KLHL4: variants seen among roughly 807,000 people sequenced by gnomAD.
KLHL4 encodes the protein kelch like family member 4.
Under a neutral mutation model 45.8 loss-of-function variants are expected in KLHL4, and 17 were observed. That is an observed-to-expected ratio of 0.37 (90% CI 0.25 to 0.56). KLHL4 has a LOEUF of 0.56. Ranked by LOEUF, KLHL4 falls within the 20% of genes least tolerant of loss-of-function variation. The probability of loss-of-function intolerance (pLI) is 0.79; values close to 1 mark genes in which losing one functional copy is unlikely to be tolerated. For synonymous variants in KLHL4, 224 were observed against 189.9 expected (o/e 1.18, Z -1.47); for missense variants, 544 against 544.9 (o/e 1.00, Z 0.02).
chrX:87,557,669 C>T (rs1297794718), intron 1 of KLHL4, among the ~76,000 whole-genome samples: 1 of 110,821 alleles, frequency 9.0e-6, no homozygotes, highest in African/African-American at 3.3e-5. Flanking sequence ...TCCAAAAGCA[C>T]CAGTTTTAAA....
At chrX:87,638,747 A>G (rs982515779) in intron 9 of KLHL4, among the ~76,000 whole-genome samples, 3 of 111,804 alleles carry the variant, frequency 2.7e-5, no homozygotes, top group Non-Finnish European at 5.6e-5. Context: ...TCCTTAAAGT[A>G]TACATCTCAC....
At chrX:87,624,973 C>A (rs991295712) in intron 5 of KLHL4, among the ~76,000 whole-genome samples, 1 of 112,281 alleles carries the variant, frequency 8.9e-6, no homozygotes, top group Non-Finnish European at 1.9e-5. Context: ...ACCACCACTA[C>A]CAACACAACT....
At chrX:87,533,814 C>A (rs1931367140) in intron 1 of KLHL4, among the ~76,000 whole-genome samples, 1 of 111,321 alleles carries the variant, frequency 9.0e-6, no homozygotes, top group African/African-American at 3.3e-5. Flanking sequence ...ATTTTCACCC[C>A]CAAAATTTGT....
At position 87,536,458 on chromosome X, in the gene KLHL4, C is replaced by T. The variant is rs1478227656; in HGVS notation, c.422+18143C>T. Among the ~76,000 whole-genome samples, 4 of 110,600 alleles carry T rather than the reference C, an allele frequency of 3.6e-5. No individual in the cohort carries two copies. The South Asian group carries it at 1.5e-3, about 42-fold the overall frequency. On this transcript the variant is annotated intron_variant, in intron 1 of 10. Coordinates refer to ENST00000373119, the MANE Select transcript of KLHL4 (RefSeq NM_019117.5). ...AATTAGTCTTCCCTTGATAGCTATACTGTAGTAAGAGTGTGATTGTCATGT... is the reference window on the plus strand; with the variant it reads ...AATTAGTCTTCCCTTGATAGCTATATTGTAGTAAGAGTGTGATTGTCATGT...
Position 87,667,186 on chromosome X carries a change from T to G in KLHL4, c.*652T>G. ...CATCTGCCAGAGCACACATATAAAT[T>G]TGGTATTTCTTAACATATTATCTTG... On this transcript the variant is annotated 3_prime_UTR_variant, in exon 11 of 11. Transcript: ENST00000373119. 2.1e-5 allele frequency: 16 copies of G among 745,994 alleles called. No individual in the cohort carries two copies. The highest frequency in any genetic ancestry group is 2.5e-5 in the Non-Finnish European group (16 of 632,009). 61.5% of individuals were successfully genotyped at this position (745,994 alleles called of 1,213,427 possible). A position where few individuals can be genotyped will look rare whatever the true frequency, so the allele number is the denominator to read the frequency against.
rs1313895802 is a variant in KLHL4, at chrX:87,538,885, T to C, written c.422+20570T>C. ...CTTATATTTGAATTGCTTCTCTTGCTGGACATTGTTGTTGAAACCATTGCA... is the reference window on the plus strand; with the variant it reads ...CTTATATTTGAATTGCTTCTCTTGCCGGACATTGTTGTTGAAACCATTGCA... On this transcript the variant is annotated intron_variant, in intron 1 of 10. Transcript: ENST00000373119. Among the ~76,000 whole-genome samples, 4 of 111,773 alleles carry C rather than the reference T, an allele frequency of 3.6e-5. No homozygotes were observed. The East Asian group carries it at 1.1e-3, about 31-fold the overall frequency.
intron 1 of KLHL4, among the ~76,000 whole-genome samples, chrX:87,537,967 C>T (rs1254959683): frequency 1.8e-5 from 2 of 111,328 alleles, no homozygotes; most frequent in Non-Finnish European, 3.8e-5. Flanking sequence ...AAGCAACAAT[C>T]CTGTACTTAA....
In KLHL4 at chrX:87,555,013, A is replaced by T. The variant is rs769445496; in HGVS notation, c.422+36698A>T. On this transcript the variant is annotated intron_variant, in intron 1 of 10. Transcript: ENST00000373119. ...GTCTTTGGTTCTGTTTATATGCTGGATTACATTTATTGATTTGTGTATATT... is the reference window on the plus strand; with the variant it reads ...GTCTTTGGTTCTGTTTATATGCTGGTTTACATTTATTGATTTGTGTATATT... Among the ~76,000 whole-genome samples the T allele has an allele frequency of 1.1e-4, 11 of 103,919 alleles. No individual in the cohort carries two copies. The South Asian group carries it at 2.7e-3, about 26-fold the overall frequency. The allele number at this position is 103,919 out of a possible 115,157, so 90.2% of individuals were successfully genotyped here. A position where few individuals can be genotyped will look rare whatever the true frequency, so the allele number is the denominator to read the frequency against.
chrX:87,521,272 C>T (rs143054900), intron 1 of KLHL4, among the ~76,000 whole-genome samples: 1,338 of 111,317 alleles, frequency 0.012, 9 homozygotes, highest in Non-Finnish European at 0.019. Context: ...TGAGGTTTGC[C>T]TAGAAAAAAT....
intron 1 of KLHL4, among the ~76,000 whole-genome samples, chrX:87,577,860 T>C (rs1249852048): frequency 1.8e-5 from 2 of 111,818 alleles, no homozygotes; most frequent in Admixed American, 1.9e-4. Flanking sequence ...CTTTAAAGAA[T>C]GTAATGCTTT....
At chrX:87,639,914 G>GA (rs1237563488) in intron 9 of KLHL4, among the ~76,000 whole-genome samples, 2 of 109,830 alleles carry the variant, frequency 1.8e-5, no homozygotes, top group Non-Finnish European at 3.8e-5. Context: ...CTGGTTCTTT[G>GA]AAAAAAATAA....
intron 9 of KLHL4, among the ~76,000 whole-genome samples, chrX:87,655,520 G>T (rs918992360): frequency 9.0e-6 from 1 of 111,088 alleles, no homozygotes; most frequent in Non-Finnish European, 1.9e-5. Flanking sequence ...GCTTGCTTTT[G>T]TTTTCCATTT....
At chrX:87,582,801 G>A (rs979644571) in intron 1 of KLHL4, among the ~76,000 whole-genome samples, 156 of 111,625 alleles carry the variant, frequency 1.4e-3, no homozygotes, top group African/African-American at 4.8e-3. Context: ...AAGATGGCAC[G>A]GACCCAAATA....
At chrX:87,544,898 CA>C (rs1213915110) in intron 1 of KLHL4, among the ~76,000 whole-genome samples, 1 of 111,273 alleles carries the variant, frequency 9.0e-6, no homozygotes, top group Non-Finnish European at 1.9e-5. Flanking sequence ...GCTCAGACAC[CA>C]AAAAACACAT....
chrX:87,622,418 C>G lies in KLHL4; in HGVS notation c.1132C>G (p.Pro378Ala). The G allele has an allele frequency of 1.7e-6, 2 of 1,174,989 alleles. No homozygotes were observed. Among genetic ancestry groups the G allele is most frequent in the Non-Finnish European group, 1.2e-6 (1 of 868,684 alleles). The change falls in exon 5 of 11, where the codon CCA becomes GCA. Residue 378 changes from proline to alanine, a missense_variant. Coordinates refer to ENST00000373119, the MANE Select transcript of KLHL4 (RefSeq NM_019117.5). ...TTACATCAGACTGCCATTACTCCCACCACAGGTATGGAAAATTACCTAGGT... is the reference window on the plus strand; with the variant it reads ...TTACATCAGACTGCCATTACTCCCAGCACAGGTATGGAAAATTACCTAGGT... ...LSYIRLPLLP[P>A]QLLADLETSS... is the part of the protein sequence containing the mutation.
intron 1 of KLHL4, among the ~76,000 whole-genome samples, chrX:87,544,931 G>T (rs185153584): frequency 3.8e-4 from 43 of 111,872 alleles, no homozygotes; most frequent in Admixed American, 2.2e-3. Context: ...TGCCATTCAG[G>T]AAAACATGAC....
At chrX:87,542,899 A>G (rs1422855236) in intron 1 of KLHL4, among the ~76,000 whole-genome samples, 1 of 111,748 alleles carries the variant, frequency 8.9e-6, no homozygotes, top group African/African-American at 3.3e-5. Context: ...GTTTGGTTCA[A>G]TGTCCCCATC....
intron 1 of KLHL4, among the ~76,000 whole-genome samples, chrX:87,530,095 T>C (rs1173342721): frequency 9.0e-6 from 1 of 111,171 alleles, no homozygotes; most frequent in East Asian, 2.8e-4. Flanking sequence ...TGATGGTAGT[T>C]TCTTTTGCTG....
intron 1 of KLHL4, among the ~76,000 whole-genome samples, chrX:87,546,230 A>C (rs1931679391): frequency 9.0e-6 from 1 of 111,180 alleles, no homozygotes. Context: ...TATGAGGAAA[A>C]AATTGTTTCA....
Sources: allele counts gnomAD v4.1 joint callset (sites outside exome capture counted in the v4.1 genomes callset), GRCh38; gene constraint gnomAD v4.1.1; transcripts MANE v1.5; gene names NCBI Gene and HGNC (gene_info 2026-07-23, HGNC 2026-07-21).